The following ABCA12 variants were observed in gnomAD, a reference collection of about 807,000 sequenced individuals.
The protein encoded by ABCA12 is ATP binding cassette subfamily A member 12, also known as glucosylceramide transporter ABCA12.
ABCA12 carries 156 observed loss-of-function variants against 293.5 expected under a neutral mutation model. That is an observed-to-expected ratio of 0.53 (90% CI 0.47 to 0.61). The LOEUF is 0.61. ABCA12 is among the 20% of genes least tolerant of loss of function. The pLI is 0.00. For synonymous variants in ABCA12, 1,063 were observed against 1,108.0 expected, an observed-to-expected ratio of 0.96 and a Z score of 0.81; for missense variants, 2,797 against 3,090.2, an observed-to-expected ratio of 0.91 and a Z score of 2.25.
At chr2:214,995,507 C>T (rs961099170) in intron 23 of ABCA12, among the ~76,000 whole-genome samples, 3 of 152,126 alleles carry the variant, frequency 2.0e-5, no homozygotes, top group African/African-American at 7.2e-5. Context: ...AGTCAAAATA[C>T]TTCCGTTCTA....
intron 11 of ABCA12, chr2:215,023,766 A>G (rs1700681229): frequency 6.6e-6 from 1 of 152,224 alleles, no homozygotes; most frequent in East Asian, 1.9e-4. Flanking sequence ...CTAGTGAGGA[A>G]AACAGACCTG....
chr2:214,949,042 G>T lies in ABCA12; in HGVS notation c.6960C>A (p.Thr2320=), dbSNP rs1021345094. The T allele has an allele frequency of 8.7e-6, 14 of 1,609,834 alleles. No individual in the cohort carries two copies. The highest frequency in any genetic ancestry group is 1.2e-5 in the Non-Finnish European group (14 of 1,176,714). ...ATTGAAGCATTAGTTTTTCATACCC[G>T]GTCTTATTTCTGATCAGAATGTTTC... is the stretch of plus-strand genomic sequence containing the variant. ...SSGNILIRNK[T]GSLGHVDSHS... is the part of the protein sequence containing the mutation. The change falls in exon 46 of 53, where the codon ACC becomes ACA. Residue 2320 remains threonine (T), a splice_region_variant and synonymous_variant. Transcript: ENST00000272895.
intron 2 of ABCA12, among the ~76,000 whole-genome samples, chr2:215,091,702 T>C (rs1488630406): frequency 1.3e-5 from 2 of 152,150 alleles, no homozygotes; most frequent in Non-Finnish European, 2.9e-5. Flanking sequence ...TGTACAATAA[T>C]AAAGAAGAGG....
rs556137203 is a variant in ABCA12, at chr2:214,998,436, G to T, written c.3180-627C>A. Among the ~76,000 whole-genome samples the T allele has an allele frequency of 3.3e-4, 50 of 152,284 alleles. 1 individual carries two copies. Among genetic ancestry groups the T allele is most frequent in the African/African-American group, 1.1e-3 (45 of 41,570 alleles). On this transcript the variant is annotated intron_variant, in intron 22 of 52. Coordinates refer to ENST00000272895, the MANE Select transcript of ABCA12 (RefSeq NM_173076.3). ...GCCTCCCAAAGTGCTGGGATTACAG[G>T]CATGAGTCACTGTGCCTGGCCCAAA...
chr2:215,134,544 A>ATGCG (rs1559214194), intron 1 of ABCA12, among the ~76,000 whole-genome samples: 5 of 125,482 alleles, frequency 4.0e-5, no homozygotes, highest in African/African-American at 1.7e-4. Flanking sequence ...ATGTACATAT[A>ATGCG]TACGTATATG....
chr2:214,984,350 C>A (rs1040298134), intron 28 of ABCA12, among the ~76,000 whole-genome samples: 1 of 152,284 alleles, frequency 6.6e-6, no homozygotes, highest in Non-Finnish European at 1.5e-5. Flanking sequence ...CACGCCTTGG[C>A]CTCCCAAAGT....
intron 39 of ABCA12, 67 bp from the exon 40 acceptor site, chr2:214,959,145 A>C: frequency 1.6e-6 from 2 of 1,288,746 alleles, no homozygotes; most frequent in South Asian, 2.4e-5. Flanking sequence ...TTTTTAGATG[A>C]ATAATATTCA....
At chr2:214,938,581 A>G (rs536934522) in intron 50 of ABCA12, among the ~76,000 whole-genome samples, 1 of 152,190 alleles carries the variant, frequency 6.6e-6, no homozygotes, top group South Asian at 2.1e-4. Flanking sequence ...ACTTCCGCCA[A>G]CAGTGTAAAA....
chr2:215,079,463 G>A (rs1396467717), intron 2 of ABCA12, among the ~76,000 whole-genome samples: 3 of 152,180 alleles, frequency 2.0e-5, no homozygotes, highest in Admixed American at 1.3e-4. Flanking sequence ...GAAATGAAAC[G>A]TGGAAGATAT....
intron 2 of ABCA12, among the ~76,000 whole-genome samples, chr2:215,071,196 CAAATAAAATAAAATA>C (rs149235929): frequency 0.079 from 9,510 of 119,956 alleles, 567 homozygotes; most frequent in East Asian, 0.34. Context: ...GATCCTGTCT[CAAATAAAATAAAATA>C]AAATAAAATA....
Position 214,958,278 on chromosome 2 carries a change from A to G in ABCA12, c.6116T>C (p.Met2039Thr). ...CYWVTNFIYD[M>T]VFYLVPVAFS... ...CAATGAAGGACATAAGTTACTCACC[A>G]TGTCATAAATGAAGTTTGTTACCCA... Residue 2039 changes from methionine (M) to threonine (T), a missense_variant and splice_region_variant, in exon 41 of 53, where the codon ATG (methionine) becomes ACG (threonine). Coordinates refer to ENST00000272895, the MANE Select transcript of ABCA12 (RefSeq NM_173076.3). The G allele has an allele frequency of 5.6e-6, 9 of 1,613,932 alleles. No individual in the cohort carries two copies. Among genetic ancestry groups the G allele is most frequent in the Non-Finnish European group, 7.6e-6 (9 of 1,179,806 alleles).
At chr2:215,037,723 G>C (rs1701021397) in intron 7 of ABCA12, among the ~76,000 whole-genome samples, 1 of 152,138 alleles carries the variant, frequency 6.6e-6, no homozygotes, top group Admixed American at 6.6e-5. Context: ...AGTTATGCTT[G>C]AGTTCATCCT....
chr2:215,002,757 G>A (rs1431117441), intron 20 of ABCA12, among the ~76,000 whole-genome samples: 3 of 152,178 alleles, frequency 2.0e-5, no homozygotes, highest in Non-Finnish European at 2.9e-5. Context: ...AGAAATTCTG[G>A]TAGACAGGAT....
intron 22 of ABCA12, among the ~76,000 whole-genome samples, chr2:214,998,819 A>T (rs1416157917): frequency 1.3e-5 from 2 of 152,174 alleles, no homozygotes; most frequent in Non-Finnish European, 2.9e-5. Context: ...CTGACAATTG[A>T]TGCCCTTATT....
In ABCA12 at chr2:215,103,263, C is replaced by CTTTTTTTTTTT. The variant is rs1158377505; in HGVS notation, c.163+8333_163+8334insAAAAAAAAAAA. Among the ~76,000 whole-genome samples the CTTTTTTTTTTT allele has an allele frequency of 4.9e-5, 4 of 81,382 alleles. 2 individuals are homozygous for CTTTTTTTTTTT. Among genetic ancestry groups the CTTTTTTTTTTT allele is most frequent in the African/African-American group, 1.5e-4 (4 of 26,868 alleles). The allele number at this position is 81,382 out of a possible 152,430, so 53.4% of individuals were successfully genotyped here. A position where few individuals can be genotyped will look rare whatever the true frequency, so the allele number is the denominator to read the frequency against. On this transcript the variant is annotated intron_variant, in intron 2 of 52. Transcript: ENST00000272895. ...ACTTTAACAATGTCTCTTAAAATTT[C>CTTTTTTTTTTT]TTTCTTTTTTTTTTTTTTTTTTTGA...
chr2:215,093,033 T>G (rs372919868), intron 2 of ABCA12, among the ~76,000 whole-genome samples: 147 of 152,304 alleles, frequency 9.7e-4, no homozygotes, highest in African/African-American at 3.4e-3. Context: ...TCTCACCTAT[T>G]CAATATTTTG....
intron 6 of ABCA12, among the ~76,000 whole-genome samples, chr2:215,049,179 A>G (rs187263759): frequency 2.6e-4 from 39 of 152,336 alleles, no homozygotes; most frequent in Admixed American, 2.3e-3. Flanking sequence ...AAAATTCACA[A>G]TTAAAGAAAA....
At chr2:215,097,656 A>T (rs1277023236) in intron 2 of ABCA12, among the ~76,000 whole-genome samples, 1 of 152,158 alleles carries the variant, frequency 6.6e-6, no homozygotes. Flanking sequence ...ATTTGCTTTC[A>T]GTTGTATTTG....
At position 214,968,786 on chromosome 2, in the gene ABCA12, C is replaced by T. The variant is rs1699323827; in HGVS notation, c.5712G>A (p.Gly1904=). ...AACGAAGGTCTTTTGTCAAAGGCAG[C>T]CCAAAACTCCAACCTCCATATCTAC... ...VQKRYGGWSF[G]LPLTKDLRFD... Residue 1904 remains glycine (G), a synonymous_variant, in exon 38 of 53, where the codon GGG becomes GGA. Transcript: ENST00000272895. The T allele has an allele frequency of 6.2e-7, 1 of 1,613,152 alleles. No individual in the cohort carries two copies. The highest frequency in any genetic ancestry group is 1.7e-4 in the Middle Eastern group (1 of 6,058).
Sources: gnomAD v4.1 joint callset for allele counts (sites outside exome capture counted in the v4.1 genomes callset) on GRCh38, gnomAD v4.1.1 for gene constraint, MANE v1.5 for transcripts, NCBI Gene and HGNC (gene_info 2026-07-23, HGNC 2026-07-21) for gene names.